Variants in TMC1 observed in about 807,000 individuals in gnomAD.
TMC1 encodes transmembrane channel-like protein 1.
A neutral mutation model predicts 105.8 loss-of-function variants in TMC1; 84 were observed. That is an observed-to-expected ratio of 0.79 (90% CI 0.67 to 0.95). The LOEUF (loss-of-function observed/expected upper bound fraction) is 0.95, where lower values mean the gene tolerates loss of function less well. Ranked by LOEUF, TMC1 falls within the 40% of genes least tolerant of loss-of-function variation. The probability of loss-of-function intolerance (pLI) is 0.00; values close to 1 mark genes in which losing one functional copy is unlikely to be tolerated. For synonymous variants in TMC1, 315 were observed against 311.5 expected (o/e 1.01, Z -0.12); for missense variants, 817 against 914.1 (o/e 0.89, Z 1.37).
At chr9:72,750,809 C>T (rs1203284458) in intron 10 of TMC1, among the ~76,000 whole-genome samples, 2 of 152,198 alleles carry the variant, frequency 1.3e-5, no homozygotes, top group African/African-American at 4.8e-5. Context: ...GCCTCTCCAT[C>T]CTTATCTGTC....
At chr9:72,739,179 C>A (rs1383236200) in intron 8 of TMC1, among the ~76,000 whole-genome samples, 2 of 152,214 alleles carry the variant, frequency 1.3e-5, no homozygotes, top group African/African-American at 2.4e-5. Context: ...TCCCAGGTTG[C>A]AGATGGCTGG....
At chr9:72,633,129 G>C (rs1457730837) in intron 4 of TMC1, among the ~76,000 whole-genome samples, 1 of 152,118 alleles carries the variant, frequency 6.6e-6, no homozygotes. Context: ...TAAAAGAATA[G>C]GTGGAATTTT....
chr9:72,798,592 A>T (rs1828413646), intron 17 of TMC1, among the ~76,000 whole-genome samples: 1 of 152,156 alleles, frequency 6.6e-6, no homozygotes, highest in Admixed American at 6.5e-5. Context: ...ATGTAGGAAC[A>T]CCAAATACTG....
intron 2 of TMC1, among the ~76,000 whole-genome samples, chr9:72,613,024 A>G (rs1485006983): frequency 2.0e-5 from 3 of 152,088 alleles, no homozygotes; most frequent in Non-Finnish European, 4.4e-5. Context: ...TAATTTTATA[A>G]CTATGAAGGA....
chr9:72,631,054 G>A (rs1825440756), intron 4 of TMC1, among the ~76,000 whole-genome samples: 1 of 152,022 alleles, frequency 6.6e-6, no homozygotes, highest in Admixed American at 6.6e-5. Flanking sequence ...TTTTGGTAGA[G>A]ACAGGGTTTC....
chr9:72,811,417 G>T (rs1828701905), intron 18 of TMC1, among the ~76,000 whole-genome samples: 1 of 152,146 alleles, frequency 6.6e-6, no homozygotes, highest in African/African-American at 2.4e-5. Flanking sequence ...CAGTGTTTCA[G>T]AAGAGTTCAT....
At chr9:72,552,249 G>C (rs1371135186) in intron 1 of TMC1, among the ~76,000 whole-genome samples, 4 of 152,090 alleles carry the variant, frequency 2.6e-5, no homozygotes, top group Non-Finnish European at 5.9e-5. Context: ...CAGAACAAAT[G>C]AACTCCTGAA....
At chr9:72,702,777 C>T (rs868072021) in intron 8 of TMC1, among the ~76,000 whole-genome samples, 1 of 152,018 alleles carries the variant, frequency 6.6e-6, no homozygotes, top group Non-Finnish European at 1.5e-5. Flanking sequence ...AGGACCAGAC[C>T]GTTCTCAGAT....
chr9:72,761,641 T>C, intron 12 of TMC1, among the ~76,000 whole-genome samples: 1 of 152,232 alleles, frequency 6.6e-6, no homozygotes, highest in African/African-American at 2.4e-5. Flanking sequence ...GATTATTCCT[T>C]CTGCCCTGCC....
intron 5 of TMC1, among the ~76,000 whole-genome samples, chr9:72,665,903 A>C (rs1416621028): frequency 6.6e-6 from 1 of 152,188 alleles, no homozygotes; most frequent in Admixed American, 6.6e-5. Context: ...TTTCTCCATG[A>C]AGAAGAATGA....
Position 72,788,334 on chromosome 9 carries a change from T to G in TMC1, c.885-5T>G, listed in dbSNP as rs1239191890. 2 of 1,614,054 alleles carry G rather than the reference T, an allele frequency of 1.2e-6. No individual in the cohort carries two copies. The highest frequency in any genetic ancestry group is 8.5e-7 in the Non-Finnish European group (1 of 1,179,910). On this transcript the variant is annotated splice_region_variant and splice_polypyrimidine_tract_variant and intron_variant, in intron 13 of 23. Transcript: ENST00000297784. ...GCTGCTGGGTTAAACTTCCTGTTTT[T>G]GCAGAATGACCAAAAACATTGGTGA...
intron 2 of TMC1, among the ~76,000 whole-genome samples, chr9:72,605,212 C>T (rs750226602): frequency 3.3e-5 from 5 of 152,150 alleles, no homozygotes; most frequent in Non-Finnish European, 5.9e-5. Flanking sequence ...GAGGGGTTAT[C>T]ATTTATCTAT....
chr9:72,685,879 G>T (rs1374373247), intron 5 of TMC1, among the ~76,000 whole-genome samples: 2 of 152,134 alleles, frequency 1.3e-5, no homozygotes, highest in African/African-American at 4.8e-5. Context: ...AGAGAAAAAG[G>T]CAATACCATT....
intron 8 of TMC1, among the ~76,000 whole-genome samples, chr9:72,722,091 C>T (rs59575261): frequency 0.011 from 1,711 of 152,160 alleles, 38 homozygotes; most frequent in African/African-American, 0.039. Flanking sequence ...TCCTGTGTAT[C>T]GTGTCCTGTA....
chr9:72,720,336 G>A (rs1236610211), intron 8 of TMC1, among the ~76,000 whole-genome samples: 1 of 152,154 alleles, frequency 6.6e-6, no homozygotes, highest in Non-Finnish European at 1.5e-5. Flanking sequence ...AAATCACATG[G>A]CTTAGTAAGC....
Position 72,619,217 on chromosome 9 carries a change from A to G in TMC1, c.-196+2740A>G, listed in dbSNP as rs188409986. Among the ~76,000 whole-genome samples, 1,411 of 146,194 alleles carry G rather than the reference A, an allele frequency of 9.7e-3. 25 individuals are homozygous for G. Among genetic ancestry groups the G allele is most frequent in the African/African-American group, 0.032 (1,321 of 41,158 alleles). On this transcript the variant is annotated intron_variant, in intron 3 of 23. Transcript: ENST00000297784. The stretch of plus-strand genomic sequence containing the variant: ...TGGAATAATGTGAACATTAAGAATA[A>G]TAAATCTTAATTTGTCAAGATACAA...
At position 72,684,607 on chromosome 9, in the gene TMC1, A is replaced by G. The variant is rs571686646; in HGVS notation, c.17-4102A>G. On this transcript the variant is annotated intron_variant, in intron 5 of 23. Coordinates refer to ENST00000297784, the MANE Select transcript of TMC1 (RefSeq NM_138691.3). Reference sequence around the variant, plus strand: ...GTTTTTGCTGATAATTCCCTAATTCATATTTCCAGTCCAGACCTTTCTTCT... The same window carrying G: ...GTTTTTGCTGATAATTCCCTAATTCGTATTTCCAGTCCAGACCTTTCTTCT... Among the ~76,000 whole-genome samples, 14 of 152,252 alleles carry G rather than the reference A, an allele frequency of 9.2e-5. No homozygotes were observed. In the South Asian group the frequency reaches 1.2e-3, roughly 14 times the overall value.
At chr9:72,790,856 G>C (rs1828254794) in intron 15 of TMC1, among the ~76,000 whole-genome samples, 1 of 151,876 alleles carries the variant, frequency 6.6e-6, no homozygotes, top group African/African-American at 2.4e-5. Flanking sequence ...GGATCCTGTT[G>C]GTCATACTTA....
chr9:72,675,999 T>C (rs1826196333), intron 5 of TMC1, among the ~76,000 whole-genome samples: 1 of 152,162 alleles, frequency 6.6e-6, no homozygotes, highest in Non-Finnish European at 1.5e-5. Context: ...TGCTGGTCCT[T>C]TGTTTATTGA....
Sources: allele counts gnomAD v4.1 joint callset (sites outside exome capture counted in the v4.1 genomes callset), GRCh38; gene constraint gnomAD v4.1.1; transcripts MANE v1.5; gene names NCBI Gene and HGNC (gene_info 2026-07-23, HGNC 2026-07-21).